The following KMT2D variants were observed in gnomAD, a reference collection of about 807,000 sequenced individuals.
KMT2D encodes the protein lysine methyltransferase 2D.
KMT2D carries 55 observed loss-of-function variants against 512.7 expected under a neutral mutation model. The observed-to-expected ratio is 0.11, with a 90% CI of 0.09 to 0.13. KMT2D has a LOEUF of 0.13. KMT2D is among the 10% of genes least tolerant of loss of function. KMT2D has a pLI of 1.00. For missense variants in KMT2D, 6,061 were observed against 7,127.9 expected, an observed-to-expected ratio of 0.85 and a Z score of 5.39; for synonymous variants, 2,995 against 2,904.0, an observed-to-expected ratio of 1.03 and a Z score of -1.01.
In KMT2D at chr12:49,044,619, G is replaced by A; in HGVS notation, c.4964-97C>T. The A allele has an allele frequency of 2.6e-6, 4 of 1,563,592 alleles. No homozygotes were observed. The highest frequency in any genetic ancestry group is 3.5e-6 in the Non-Finnish European group (4 of 1,150,842). ...TGAGAGAGCTGAATACCTTGCCTCA[G>A]AGCCACTTAGACGAGACAGCAGTGC... On this transcript the variant is annotated intron_variant, in intron 20 of 54. Transcript: ENST00000301067. The surrounding 1 kb of genome is among the most constrained non-coding windows in gnomAD (Gnocchi z 6.4).
chr12:49,051,322 G>A lies in KMT2D; in HGVS notation c.2361C>T (p.His787=), dbSNP rs2120667966. ...PCLCAVPEEP[H]LSPQAEGPHL... Reference sequence around the variant, plus strand: ...GTGGTCCCTCAGCCTGGGGGGACAAGTGTGGCTCCTCAGGCACAGCGCATA... The same window carrying A: ...GTGGTCCCTCAGCCTGGGGGGACAAATGTGGCTCCTCAGGCACAGCGCATA... The change falls in exon 11 of 55, where the codon CAC becomes CAT. Residue 787 remains histidine, a synonymous_variant. Coordinates refer to ENST00000301067, the MANE Select transcript of KMT2D (RefSeq NM_003482.4). 1.9e-6 allele frequency: 3 copies of A among 1,591,412 alleles called. No individual in the cohort carries two copies. The highest frequency in any genetic ancestry group is 2.6e-6 in the Non-Finnish European group (3 of 1,166,002).
In KMT2D at chr12:49,042,365, G is replaced by GC. The variant is rs749808590; in HGVS notation, c.5868-36_5868-35insG. On this transcript the variant is annotated intron_variant, in intron 28 of 54. Transcript: ENST00000301067. The surrounding 1 kb of genome is among the most constrained non-coding windows in gnomAD (Gnocchi z 4.4). ...AGGGGCAGAGAGTCACAGGGCGCAG[G>GC]GATGCCAAGTCCCACCCCAGACAAA... 2.0e-6 allele frequency: 3 copies of GC among 1,497,780 alleles called. No homozygotes were observed. Among genetic ancestry groups the GC allele is most frequent in the Non-Finnish European group, 2.7e-6 (3 of 1,122,788 alleles). The allele number at this position is 1,497,780 out of a possible 1,614,324, so 92.8% of individuals were successfully genotyped here. A position where few individuals can be genotyped will look rare whatever the true frequency, so the allele number is the denominator to read the frequency against.
chr12:49,048,607 C>T (rs1262203982), intron 14 of KMT2D, 52 bp downstream of exon 14: 2 of 1,246,542 alleles, frequency 1.6e-6, no homozygotes, highest in Non-Finnish European at 2.4e-6. Flanking sequence ...TATCCTCTCA[C>T]CAAACACACA....
At chr12:49,034,746 G>A (rs1254694762) in intron 36 of KMT2D, 66 bp downstream of exon 36, 2 of 1,606,890 alleles carry the variant, frequency 1.2e-6, no homozygotes, top group African/African-American at 1.3e-5. Flanking sequence ...CAAGTAGGGA[G>A]GGGAGCCAAG....
rs757832062 is a variant in KMT2D at position 49,038,062 on chromosome 12, C to T, written c.9294G>A (p.Glu3098=). ...AGGCATCAGCAGCAGGGGGAGGGCG[C>T]TCCTCAGGGCCCAAGGGTCCTGGCT... ...GVEPGPLGPE[E]RPPPAADASE... Residue 3098 remains glutamate, a synonymous_variant, in exon 35 of 55, where the codon GAG becomes GAA. Transcript: ENST00000301067. This position sits in a 1 kb window ranked among gnomAD's most constrained non-coding sequence, Gnocchi z 5.7. The T allele has an allele frequency of 3.1e-6, 5 of 1,613,050 alleles. No individual in the cohort carries two copies. In the South Asian group the frequency reaches 3.3e-5, roughly 11 times the overall value.
chr12:49,043,385 G>A lies in KMT2D; in HGVS notation c.5511C>T (p.Leu1837=), dbSNP rs745511020. The change falls in exon 25 of 55, where the codon CTC becomes CTT. Residue 1837 remains leucine (L), a synonymous_variant. Coordinates refer to ENST00000301067, the MANE Select transcript of KMT2D (RefSeq NM_003482.4). ...PDIADEESRG[L]EGKADTPGPE... Reference sequence around the variant, plus strand: ...CACCTGGTGTATCGGCTTTGCCCTCGAGGCCACGGGATTCTTCATCTGCAA... The same window carrying A: ...CACCTGGTGTATCGGCTTTGCCCTCAAGGCCACGGGATTCTTCATCTGCAA... 5.6e-5 allele frequency: 90 copies of A among 1,613,798 alleles called. No homozygotes were observed. The highest frequency in any genetic ancestry group is 7.3e-5 in the Non-Finnish European group (86 of 1,179,876).
chr12:49,060,191 G>C lies in KMT2D; in HGVS notation c.-616C>G, dbSNP rs1320240010. ...CCGGCGGGGCCGCGGGGCTGAACCT[G>C]ACACACACCCAGCGCCGGGCTTCTC... On this transcript the variant is annotated 5_prime_UTR_variant, in exon 1 of 55. Coordinates refer to ENST00000301067, the MANE Select transcript of KMT2D (RefSeq NM_003482.4). Among the ~76,000 whole-genome samples, 1 of 151,706 alleles carries C rather than the reference G, an allele frequency of 6.6e-6. No homozygotes were observed. The highest frequency in any genetic ancestry group is 2.4e-5 in the African/African-American group (1 of 41,346).
chr12:49,054,966 T>C lies in KMT2D; in HGVS notation c.110A>G (p.His37Arg). ...SATESDLPNP[H>R]VGEVSVLSSG... ...ACTAAGGACAGAGACCTCTCCCACA[T>C]GTGGGTTGGGCAGGTCTGACTCAGT... is the stretch of plus-strand genomic sequence containing the variant. The change falls in exon 3 of 55, where the codon CAT becomes CGT. Residue 37 changes from histidine to arginine, a missense_variant. His to Arg is a conservative substitution (Grantham distance 29, BLOSUM62 0). This residue lies in a region of KMT2D where 144 missense variants were observed against 165.7 expected (regional missense o/e 0.87). Transcript: ENST00000301067. The surrounding 1 kb of genome is among the most constrained non-coding windows in gnomAD (Gnocchi z 6.4). 1 of 1,613,960 alleles carries C rather than the reference T, an allele frequency of 6.2e-7. No homozygotes were observed. The highest frequency in any genetic ancestry group is 8.5e-7 in the Non-Finnish European group (1 of 1,179,860).
rs745512958 is a variant in KMT2D, at chr12:49,039,414, A to C, written c.8229+21T>G. 1 of 1,601,600 alleles carries C rather than the reference A, an allele frequency of 6.2e-7. No individual in the cohort carries two copies. The highest frequency in any genetic ancestry group is 1.3e-5 in the African/African-American group (1 of 74,640). On this transcript the variant is annotated intron_variant, in intron 33 of 54. Coordinates refer to ENST00000301067, the MANE Select transcript of KMT2D (RefSeq NM_003482.4). This position sits in a 1 kb window ranked among gnomAD's most constrained non-coding sequence, Gnocchi z 5.0. ...CAACCTTCAATATCCTGGCCCCACTATCCCTTGCCACTCTACCTACCTGTG... is the reference window on the plus strand; with the variant it reads ...CAACCTTCAATATCCTGGCCCCACTCTCCCTTGCCACTCTACCTACCTGTG...
rs587778458 is a variant in KMT2D, at chr12:49,043,980, G to C, written c.5207C>G (p.Pro1736Arg). Residue 1736 changes from proline (P) to arginine (R), a missense_variant, in exon 23 of 55, where the codon CCT becomes CGT. Pro to Arg is a moderately radical substitution (Grantham distance 103). Coordinates refer to ENST00000301067, the MANE Select transcript of KMT2D (RefSeq NM_003482.4). Reference protein sequence around the residue: ...QPDEVIPADLPAEGAVEQSLA... With the variant: ...QPDEVIPADLRAEGAVEQSLA... Reference sequence around the variant, plus strand: ...GCTCTGCTCCACGGCGCCCTCTGCAGGCAGGTCAGCAGGTATCACTGTGGA... The same window carrying C: ...GCTCTGCTCCACGGCGCCCTCTGCACGCAGGTCAGCAGGTATCACTGTGGA... 3.1e-6 allele frequency: 5 copies of C among 1,613,942 alleles called. No individual in the cohort carries two copies. In the Admixed American group the frequency reaches 8.3e-5, roughly 27 times the overall value.
rs1942782138 is a variant in KMT2D, at chr12:49,029,486, G to A, written c.14000-10C>T. On this transcript the variant is annotated splice_polypyrimidine_tract_variant and intron_variant, in intron 43 of 54. Transcript: ENST00000301067. ...TTCACCTCTGAAGTATCTGAGGGGT[G>A]GGTAGGGAGAAGAAAAGTCAGGTGA... is the stretch of plus-strand genomic sequence containing the variant. 1.3e-6 allele frequency: 2 copies of A among 1,551,624 alleles called. No homozygotes were observed. The highest frequency in any genetic ancestry group is 1.7e-6 in the Non-Finnish European group (2 of 1,146,470).
chr12:49,048,728 T>C lies in KMT2D; in HGVS notation c.4062A>G (p.Glu1354=), dbSNP rs1329407486. Reference sequence around the variant, plus strand: ...TATTCTGCATGGTGTCATCATCTTCTTCCTCCTCCTCCTTACTGGGAGAGC... The same window carrying C: ...TATTCTGCATGGTGTCATCATCTTCCTCCTCCTCCTCCTTACTGGGAGAGC... ...IDSSPSKEEE[E]EDDDTMQNTV... Residue 1354 remains glutamate, a synonymous_variant, in exon 14 of 55, where the codon GAA becomes GAG. Transcript: ENST00000301067. 5 of 1,612,820 alleles carry C rather than the reference T, an allele frequency of 3.1e-6. No homozygotes were observed. The highest frequency in any genetic ancestry group is 1.1e-5 in the South Asian group (1 of 91,044).
At position 49,042,024 on chromosome 12, in the gene KMT2D, T is replaced by C; in HGVS notation, c.6110-34A>G. ...CAGAGAGAGTGAGTCAGAGAAGACT[T>C]GGCAGGCGACTCCTCCACCTGCCAT... On this transcript the variant is annotated intron_variant, in intron 29 of 54. Coordinates refer to ENST00000301067, the MANE Select transcript of KMT2D (RefSeq NM_003482.4). The surrounding 1 kb of genome is among the most constrained non-coding windows in gnomAD (Gnocchi z 4.4). 2 of 1,611,880 alleles carry C rather than the reference T, an allele frequency of 1.2e-6. No homozygotes were observed. The highest frequency in any genetic ancestry group is 8.5e-7 in the Non-Finnish European group (1 of 1,178,600).
rs1565807937 is a variant in KMT2D at position 49,046,851 on chromosome 12, T to C, written c.4237-61A>G. ...GTGGAAAAGAGGTAGAACTTCTTTT[T>C]ATTTTTTTTTGGAGATGGAGTTTTG... is the stretch of plus-strand genomic sequence containing the variant. On this transcript the variant is annotated intron_variant, in intron 15 of 54. Transcript: ENST00000301067. This position sits in a 1 kb window ranked among gnomAD's most constrained non-coding sequence, Gnocchi z 4.2. The C allele has an allele frequency of 2.0e-6, 3 of 1,485,784 alleles. No homozygotes were observed. Among genetic ancestry groups the C allele is most frequent in the South Asian group, 1.3e-5 (1 of 79,320 alleles). 92.0% of individuals were successfully genotyped at this position (1,485,784 alleles called of 1,614,324 possible).
In KMT2D at chr12:49,048,724, C is replaced by T. The variant is rs2120625691; in HGVS notation, c.4066G>A (p.Asp1356Asn). 6.2e-7 allele frequency: 1 copy of T among 1,613,174 alleles called. No individual in the cohort carries two copies. The highest frequency in any genetic ancestry group is 1.3e-5 in the African/African-American group (1 of 75,058). The change falls in exon 14 of 55, where the codon GAT becomes AAT. Residue 1356 changes from aspartate (D) to asparagine (N), a missense_variant. Asp to Asn is a conservative substitution (Grantham distance 23, BLOSUM62 1). Coordinates refer to ENST00000301067, the MANE Select transcript of KMT2D (RefSeq NM_003482.4). Reference protein sequence around the residue: ...SSPSKEEEEEDDDTMQNTVVL... With the variant: ...SSPSKEEEEENDDTMQNTVVL... ...ACGGTATTCTGCATGGTGTCATCAT[C>T]TTCTTCCTCCTCCTCCTTACTGGGA...
Position 49,049,731 on chromosome 12 carries a change from C to G in KMT2D, c.3857G>C (p.Gly1286Ala), listed in dbSNP as rs2120639279. The G allele has an allele frequency of 6.2e-7, 1 of 1,605,414 alleles. No individual in the cohort carries two copies. The highest frequency in any genetic ancestry group is 8.5e-7 in the Non-Finnish European group (1 of 1,172,860). ...GTAISGGKAE[G>A]EKGRRRSSPA... is the part of the protein sequence containing the mutation. ...GGAGCTGCGCCGCCGCCCCTTCTCC[C>G]CCTCAGCTTTGCCTCCGCTGATAGC... Residue 1286 changes from glycine to alanine, a missense_variant, in exon 12 of 55, where the codon GGG (glycine) becomes GCG (alanine). Around this residue, in one of 16 missense-constraint regions of KMT2D, gnomAD observed 447 missense variants for 500.1 expected, o/e 0.89. Transcript: ENST00000301067.
chr12:49,029,389 C>A lies in KMT2D; in HGVS notation c.14075+12G>T. ...CCTTGTTCCTCATCCCCATTTCTGG[C>A]CCCGCCCCTACCTGACATCCTCAGT... On this transcript the variant is annotated intron_variant, in intron 44 of 54. Coordinates refer to ENST00000301067, the MANE Select transcript of KMT2D (RefSeq NM_003482.4). 6.4e-7 allele frequency: 1 copy of A among 1,556,570 alleles called. No homozygotes were observed. The highest frequency in any genetic ancestry group is 1.2e-5 in the South Asian group (1 of 84,568).
In KMT2D at chr12:49,048,676, T is replaced by G; in HGVS notation, c.4114A>C (p.Lys1372Gln). 13 of 1,611,994 alleles carry G rather than the reference T, an allele frequency of 8.1e-6. No individual in the cohort carries two copies. The highest frequency in any genetic ancestry group is 1.1e-5 in the Non-Finnish European group (13 of 1,178,042). ...NTVVLFSNTD[K>Q]FVLMQDMCVV... is the part of the protein sequence containing the mutation. ...TATGGTACCTGCATTAGGACAAATT[T>G]GTCTGTGTTGGAGAAGAGAACCACG... The change falls in exon 14 of 55, where the codon AAA (lysine) becomes CAA (glutamine). Residue 1372 changes from lysine to glutamine, a missense_variant. Lys to Gln is a moderately conservative substitution (Grantham distance 53, BLOSUM62 1). This residue lies in a region of KMT2D where 53 missense variants were observed against 148.3 expected (regional missense o/e 0.36). Transcript: ENST00000301067.
In KMT2D at chr12:49,048,013, G is replaced by A. The variant is rs2120620312; in HGVS notation, c.4188C>T (p.Ala1396=). 6.2e-7 allele frequency: 1 copy of A among 1,613,038 alleles called. No individual in the cohort carries two copies. Among genetic ancestry groups the A allele is most frequent in the African/African-American group, 1.3e-5 (1 of 75,028 alleles). The change falls in exon 15 of 55, where the codon GCC becomes GCT. Residue 1396 remains alanine, a synonymous_variant. Transcript: ENST00000301067. ...FGRGAEGHLL[A]CSQCSQCYHP... Reference sequence around the variant, plus strand: ...GATAGCACTGAGAGCACTGCGAACAGGCAAGGAGGTGGCCCTCTGCCCCCC... The same window carrying A: ...GATAGCACTGAGAGCACTGCGAACAAGCAAGGAGGTGGCCCTCTGCCCCCC...
Sources: allele counts gnomAD v4.1 joint callset (sites outside exome capture counted in the v4.1 genomes callset), GRCh38; gene constraint gnomAD v4.1.1; regional missense constraint gnomAD v4.1.1; non-coding constraint Gnocchi (gnomAD v3.1); transcripts MANE v1.5; gene names NCBI Gene and HGNC (gene_info 2026-07-23, HGNC 2026-07-21).